The following ZNF704 variants were observed in gnomAD, a reference collection of about 807,000 sequenced individuals.
ZNF704 encodes the protein glucocorticoid induced gene 1.
Under a neutral mutation model 44.7 loss-of-function variants are expected in ZNF704, and 10 were observed. The observed-to-expected ratio is 0.22, with a 90% CI of 0.14 to 0.38. The LOEUF (loss-of-function observed/expected upper bound fraction) is 0.38, where lower values mean the gene tolerates loss of function less well. ZNF704 is among the 10% of genes least tolerant of loss of function. The pLI, the probability that ZNF704 is intolerant of heterozygous loss-of-function variation, is 1.00. For synonymous variants in ZNF704, 211 were observed against 207.6 expected (o/e 1.02, Z -0.14); for missense variants, 390 against 545.5 (o/e 0.71, Z 2.84).
At chr8:80,883,011 G>A in the ZNF704 span, among the ~76,000 whole-genome samples, 12 of 139,336 alleles carry the variant, frequency 8.6e-5, no homozygotes, top group African/African-American at 2.8e-4. Flanking sequence ...GCCGAGGCAT[G>A]TTGATCACCT....
At chr8:80,685,126 A>G (rs1818514632) in intron 4 of ZNF704, among the ~76,000 whole-genome samples, 1 of 150,116 alleles carries the variant, frequency 6.7e-6, no homozygotes, top group Non-Finnish European at 1.5e-5. Flanking sequence ...TGCTCATCCA[A>G]TAAAAATAAA....
chr8:80,792,697 T>C (rs528821565), intron 2 of ZNF704, among the ~76,000 whole-genome samples: 2 of 152,176 alleles, frequency 1.3e-5, no homozygotes, highest in Non-Finnish European at 2.9e-5. Flanking sequence ...CAAGCTGGTA[T>C]ATGGGGAGGC....
chr8:80,789,880 A>G (rs547391339), intron 2 of ZNF704, among the ~76,000 whole-genome samples: 1 of 152,322 alleles, frequency 6.6e-6, no homozygotes, highest in East Asian at 1.9e-4. Context: ...TTTGATGCAG[A>G]TAAGATTATA....
At position 80,856,807 on chromosome 8, in the gene ZNF704, G is replaced by C. The variant is rs570179219; in HGVS notation, c.-22+17764C>G. The stretch of plus-strand genomic sequence containing the variant: ...GATTAAGTCTTCCAATTTTGGTCTT[G>C]CTTTTCAAAATTGTTTAGATTATTG... On this transcript the variant is annotated intron_variant, in intron 1 of 8. Transcript: ENST00000327835. 2.6e-3 allele frequency among the ~76,000 whole-genome samples: 402 copies of C among 152,194 alleles called. 1 individual carries two copies. The highest frequency in any genetic ancestry group is 6.8e-3 in the Middle Eastern group (2 of 294).
chr8:80,661,056 A>G (rs1166208003), intron 6 of ZNF704, among the ~76,000 whole-genome samples: 1 of 152,220 alleles, frequency 6.6e-6, no homozygotes, highest in Non-Finnish European at 1.5e-5. Flanking sequence ...CTGACAAGAG[A>G]CTACTATCCA....
intron 2 of ZNF704, among the ~76,000 whole-genome samples, chr8:80,721,282 G>A (rs796311011): frequency 4.6e-5 from 7 of 152,264 alleles, no homozygotes; most frequent in African/African-American, 1.7e-4. Flanking sequence ...AGGAAATAGA[G>A]GAGAGAGCTT....
intron 2 of ZNF704, among the ~76,000 whole-genome samples, chr8:80,800,440 C>T (rs1305881208): frequency 6.6e-6 from 1 of 152,108 alleles, no homozygotes; most frequent in Non-Finnish European, 1.5e-5. Flanking sequence ...CAAAGGGAAG[C>T]CCATCAGACT....
intron 2 of ZNF704, among the ~76,000 whole-genome samples, chr8:80,790,642 G>A (rs1807688547): frequency 6.6e-6 from 1 of 152,154 alleles, no homozygotes; most frequent in African/African-American, 2.4e-5. Context: ...GCAAGAGCGG[G>A]AGGTGGGAAT....
chr8:80,711,955 G>A (rs1263984778), intron 2 of ZNF704, among the ~76,000 whole-genome samples: 2 of 152,270 alleles, frequency 1.3e-5, no homozygotes. Flanking sequence ...GTACATTGAA[G>A]GTAATCTCTT....
At chr8:80,840,960 T>C (rs1044368916) in intron 1 of ZNF704, among the ~76,000 whole-genome samples, 5 of 152,224 alleles carry the variant, frequency 3.3e-5, no homozygotes, top group East Asian at 1.9e-4. Flanking sequence ...AAGAGGATTA[T>C]TGATAGTTCC....
intron 2 of ZNF704, among the ~76,000 whole-genome samples, chr8:80,798,258 A>ATT (rs555454839): frequency 1.5e-4 from 21 of 143,162 alleles, no homozygotes; most frequent in Admixed American, 1.0e-3. Flanking sequence ...TAGTGTCCAT[A>ATT]TTTTTTTTTT....
intron 2 of ZNF704, among the ~76,000 whole-genome samples, chr8:80,799,501 G>C (rs1807863815): frequency 6.6e-6 from 1 of 152,070 alleles, no homozygotes; most frequent in Admixed American, 6.6e-5. Context: ...GGTACCTCCA[G>C]GTACAGGAAA....
intron 2 of ZNF704, among the ~76,000 whole-genome samples, chr8:80,739,161 A>G (rs1283214061): frequency 6.6e-6 from 1 of 152,230 alleles, no homozygotes; most frequent in Non-Finnish European, 1.5e-5. Context: ...ATTACACATC[A>G]TATTTCTGGG....
At chr8:80,654,874 A>G (rs990830960) in intron 7 of ZNF704, among the ~76,000 whole-genome samples, 1 of 152,256 alleles carries the variant, frequency 6.6e-6, no homozygotes, top group Non-Finnish European at 1.5e-5. Flanking sequence ...TCATGCTGCT[A>G]TAAAGACACA....
intron 2 of ZNF704, among the ~76,000 whole-genome samples, chr8:80,698,196 G>A (rs902042100): frequency 6.6e-6 from 1 of 152,208 alleles, no homozygotes; most frequent in African/African-American, 2.4e-5. Flanking sequence ...GTCTATTGGA[G>A]AACTAGACCT....
chr8:80,730,207 GA>G (rs966224019), intron 2 of ZNF704, among the ~76,000 whole-genome samples: 2 of 152,132 alleles, frequency 1.3e-5, no homozygotes, highest in Non-Finnish European at 2.9e-5. Context: ...CGTGTGTCCA[GA>G]AAATATTGTT....
intron 4 of ZNF704, among the ~76,000 whole-genome samples, chr8:80,679,595 A>T (rs1818420809): frequency 6.6e-6 from 1 of 152,224 alleles, no homozygotes; most frequent in South Asian, 2.1e-4. Context: ...CTGAAAATTC[A>T]CACCAGTGGA....
At chr8:80,672,173 A>G (rs1024543224) in intron 4 of ZNF704, among the ~76,000 whole-genome samples, 2 of 152,370 alleles carry the variant, frequency 1.3e-5, no homozygotes. Flanking sequence ...AAGACGCTCA[A>G]TATCACTAAT....
intron 1 of ZNF704, among the ~76,000 whole-genome samples, chr8:80,839,709 G>A (rs1001990589): frequency 6.6e-6 from 1 of 152,178 alleles, no homozygotes; most frequent in South Asian, 2.1e-4. Context: ...GAAGAATTGC[G>A]TTAACCCCTG....
Sources: gnomAD v4.1 joint callset for allele counts (sites outside exome capture counted in the v4.1 genomes callset) on GRCh38, gnomAD v4.1.1 for gene constraint, MANE v1.5 for transcripts, NCBI Gene and HGNC (gene_info 2026-07-23, HGNC 2026-07-21) for gene names.